Variants in FGF14 observed in about 807,000 individuals in gnomAD.
The protein encoded by FGF14 is fibroblast growth factor homologous factor 4.
FGF14 carries 5 observed loss-of-function variants against 25.5 expected under a neutral mutation model. That is an observed-to-expected ratio of 0.20 (90% CI 0.10 to 0.41). The LOEUF is 0.41. Among genes scored for constraint, FGF14 ranks in the 10% least tolerant of loss-of-function variants. The pLI is 1.00. For missense variants in FGF14, 222 were observed against 320.1 expected, an observed-to-expected ratio of 0.69 and a Z score of 2.34; for synonymous variants, 138 against 118.3, an observed-to-expected ratio of 1.17 and a Z score of -1.08.
intron 1 of FGF14, among the ~76,000 whole-genome samples, chr13:102,022,290 T>C (rs2040699851): frequency 6.6e-6 from 1 of 152,018 alleles, no homozygotes; most frequent in African/African-American, 2.4e-5. Flanking sequence ...CCAGAACTCA[T>C]CTCTTTAAAT....
chr13:102,401,918 A>G (rs1211008715), upstream of FGF14: 1 of 576,958 alleles, frequency 1.7e-6, no homozygotes, highest in Non-Finnish European at 3.1e-6. Flanking sequence ...AGTAATGCAC[A>G]AAAGATCCCC....
At chr13:102,061,558 T>G (rs2042691927) in intron 1 of FGF14, among the ~76,000 whole-genome samples, 1 of 152,254 alleles carries the variant, frequency 6.6e-6, no homozygotes. Context: ...TAAGTATGTA[T>G]CTGATGAGTC....
In FGF14 at chr13:101,722,919, G is replaced by A. The variant is rs746374522; in HGVS notation, c.656C>T (p.Pro219Leu). ...PSLHDVGETVPKPGVTPSKST... is the reference protein window; with the variant it reads ...PSLHDVGETVLKPGVTPSKST... ...TTTACTTGGCGTCACCCCAGGCTTCGGGACCGTTTCCCCAACATCATGCAA... is the reference window on the plus strand; with the variant it reads ...TTTACTTGGCGTCACCCCAGGCTTCAGGACCGTTTCCCCAACATCATGCAA... The change falls in exon 5 of 5, where the codon CCG becomes CTG. Residue 219 changes from proline (P) to leucine (L), a missense_variant. Physicochemically the swap from Pro to Leu is moderately conservative, Grantham distance 98. Transcript: ENST00000376143. 1.2e-5 allele frequency: 19 copies of A among 1,613,088 alleles called. No homozygotes were observed. The South Asian group carries it at 1.4e-4, about 12-fold the overall frequency.
In FGF14 at chr13:101,722,723, T is replaced by A. The variant is rs2035075380; in HGVS notation, c.*108A>T. On this transcript the variant is annotated 3_prime_UTR_variant, in exon 5 of 5. Coordinates refer to ENST00000376143, the MANE Select transcript of FGF14 (RefSeq NM_004115.4). ...GTTCGGAGACAGCAAAGAATAAGCA[T>A]TAGCTTACTTCCTGCTGCTCTTCAG... 1 of 1,464,856 alleles carries A rather than the reference T, an allele frequency of 6.8e-7. No individual in the cohort carries two copies. Among genetic ancestry groups the A allele is most frequent in the Admixed American group, 1.8e-5 (1 of 56,810 alleles). 90.7% of individuals were successfully genotyped at this position (1,464,856 alleles called of 1,614,324 possible).
intron 3 of FGF14, among the ~76,000 whole-genome samples, chr13:101,760,714 T>C (rs1458046844): frequency 6.6e-6 from 1 of 152,220 alleles, no homozygotes; most frequent in East Asian, 1.9e-4. Flanking sequence ...TATAGTATTT[T>C]CTTTAATTCC....
intron 1 of FGF14, among the ~76,000 whole-genome samples, chr13:101,962,109 G>A (rs2036894328): frequency 6.6e-6 from 1 of 152,130 alleles, no homozygotes; most frequent in Non-Finnish European, 1.5e-5. Flanking sequence ...AATGTCAATG[G>A]TAGTTTAATG....
intron 1 of FGF14, among the ~76,000 whole-genome samples, chr13:102,213,035 A>G (rs1411425281): frequency 6.6e-6 from 1 of 152,220 alleles, no homozygotes; most frequent in Non-Finnish European, 1.5e-5. Flanking sequence ...CACTTTTAAA[A>G]TTATACAACA....
intron 1 of FGF14, among the ~76,000 whole-genome samples, chr13:101,968,758 A>C (rs2037398828): frequency 6.6e-6 from 1 of 152,002 alleles, no homozygotes; most frequent in Non-Finnish European, 1.5e-5. Context: ...ACAGCCACAA[A>C]AGTGTGAGAT....
At chr13:101,931,748 G>A (rs757963836) in intron 1 of FGF14, among the ~76,000 whole-genome samples, 1 of 152,196 alleles carries the variant, frequency 6.6e-6, no homozygotes, top group Non-Finnish European at 1.5e-5. Flanking sequence ...GCACACCACA[G>A]AGAAAATGGA....
intron 1 of FGF14, among the ~76,000 whole-genome samples, chr13:102,303,773 A>T (rs1355919683): frequency 6.6e-6 from 1 of 152,174 alleles, no homozygotes; most frequent in Non-Finnish European, 1.5e-5. Context: ...TGTCACTGCC[A>T]CGAACCTAGA....
chr13:102,159,397 G>A (rs1044655595), intron 1 of FGF14, among the ~76,000 whole-genome samples: 6 of 152,196 alleles, frequency 3.9e-5, no homozygotes, highest in South Asian at 2.1e-4. Context: ...TAGCAAACAC[G>A]GCATCAGTAC....
chr13:102,290,449 T>A (rs1443247671), intron 1 of FGF14, among the ~76,000 whole-genome samples: 1 of 152,148 alleles, frequency 6.6e-6, no homozygotes, highest in Non-Finnish European at 1.5e-5. Context: ...CTGAGCAGAC[T>A]AAGACAAATG....
intron 1 of FGF14, among the ~76,000 whole-genome samples, chr13:101,994,574 C>T (rs894448852): frequency 2.0e-5 from 3 of 151,978 alleles, no homozygotes; most frequent in African/African-American, 7.2e-5. Flanking sequence ...ACTACCAAAT[C>T]ATCAGCTACC....
intron 3 of FGF14, among the ~76,000 whole-genome samples, chr13:101,737,116 A>T (rs919459897): frequency 5.3e-5 from 8 of 150,044 alleles, no homozygotes; most frequent in African/African-American, 1.9e-4. Flanking sequence ...CTTGATCTAG[A>T]TTTGTTAGAT....
intron 1 of FGF14, among the ~76,000 whole-genome samples, chr13:102,027,693 TTTGCTAAC>T (rs2041000864): frequency 6.6e-6 from 1 of 152,082 alleles, no homozygotes; most frequent in Non-Finnish European, 1.5e-5. Flanking sequence ...TATAATCTTG[TTTGCTAAC>T]TATAGCCTTT....
At chr13:102,316,651 T>C (rs1041587395) in intron 1 of FGF14, among the ~76,000 whole-genome samples, 1 of 152,214 alleles carries the variant, frequency 6.6e-6, no homozygotes, top group Admixed American at 6.5e-5. Flanking sequence ...TGTGTATATA[T>C]ATATGCATAT....
In FGF14 at chr13:102,180,903, A is replaced by G. The variant is rs150082958; in HGVS notation, c.208+220568T>C. ...CTGTTTTATCATGTGGTTCACTCCT[A>G]CGTGTGTATTCCAGCCCAACTGGGA... On this transcript the variant is annotated intron_variant, in intron 1 of 4. Transcript: ENST00000376131. Among the ~76,000 whole-genome samples the G allele has an allele frequency of 1.5e-3, 230 of 152,260 alleles. 1 individual carries two copies. Among genetic ancestry groups the G allele is most frequent in the African/African-American group, 5.3e-3 (220 of 41,566 alleles).
chr13:101,986,799 T>C (rs2038605711), intron 1 of FGF14, among the ~76,000 whole-genome samples: 1 of 152,068 alleles, frequency 6.6e-6, no homozygotes, highest in African/African-American at 2.4e-5. Flanking sequence ...AACCAAAATC[T>C]ATTCATGTTT....
chr13:102,221,929 C>G lies in FGF14; in HGVS notation c.208+179542G>C, dbSNP rs79339923. ...ATAAGTGTCCACTGATTGTCTGAAA[C>G]CACTTAATTCTGTAGACACTAGAAA... On this transcript the variant is annotated intron_variant, in intron 1 of 4. Transcript: ENST00000376131. Among the ~76,000 whole-genome samples, 688 of 152,236 alleles carry G rather than the reference C, an allele frequency of 4.5e-3. 7 individuals are homozygous for G. Among genetic ancestry groups the G allele is most frequent in the African/African-American group, 0.016 (650 of 41,524 alleles).
Sources: allele counts gnomAD v4.1 joint callset (sites outside exome capture counted in the v4.1 genomes callset), GRCh38; gene constraint gnomAD v4.1.1; transcripts MANE v1.5; gene names NCBI Gene and HGNC (gene_info 2026-07-23, HGNC 2026-07-21).